The following COL21A1 variants were observed in gnomAD, a reference collection of about 807,000 sequenced individuals.
COL21A1 encodes the protein collagen alpha-1(XXI) chain.
COL21A1 carries 149 observed loss-of-function variants against 137.9 expected under a neutral mutation model. The ratio of observed to expected loss-of-function variants is 1.08; its 90% confidence interval spans 0.95 to 1.24. The LOEUF is 1.24. COL21A1 is among the 50% of genes most tolerant of loss of function. The pLI is 0.00. For missense variants in COL21A1, 1,167 were observed against 1,158.4 expected (o/e 1.01, Z -0.11); for synonymous variants, 456 against 391.5 (o/e 1.16, Z -1.95).
chr6:56,284,806 C>T (rs1005811602), intron 1 of COL21A1, among the ~76,000 whole-genome samples: 3 of 152,190 alleles, frequency 2.0e-5, no homozygotes, highest in African/African-American at 7.2e-5. Context: ...CCCTACACTT[C>T]ACCCACTCCA....
intron 1 of COL21A1, among the ~76,000 whole-genome samples, chr6:56,299,601 C>T (rs1459404187): frequency 6.6e-6 from 1 of 152,014 alleles, no homozygotes; most frequent in Non-Finnish European, 1.5e-5. Context: ...GAAAAAAAGA[C>T]ATTTTCATTC....
intron 1 of COL21A1, among the ~76,000 whole-genome samples, chr6:56,310,637 T>G (rs1206318309): frequency 6.6e-6 from 1 of 152,192 alleles, no homozygotes; most frequent in Non-Finnish European, 1.5e-5. Context: ...CTTTTTATTT[T>G]TATAAAAATT....
At chr6:56,266,230 G>C (rs1392954291) in intron 1 of COL21A1, among the ~76,000 whole-genome samples, 1 of 152,090 alleles carries the variant, frequency 6.6e-6, no homozygotes, top group Non-Finnish European at 1.5e-5. Context: ...AGATAAATCA[G>C]CTTCATGAAT....
intron 16 of COL21A1, among the ~76,000 whole-genome samples, chr6:56,120,183 AT>A (rs1772341993): frequency 6.6e-6 from 1 of 152,204 alleles, no homozygotes; most frequent in Non-Finnish European, 1.5e-5. Context: ...AAATACAAAA[AT>A]TTCAAAGGAC....
chr6:56,373,169 G>A (rs1471897674), intron 1 of COL21A1, among the ~76,000 whole-genome samples: 1 of 152,188 alleles, frequency 6.6e-6, no homozygotes. Flanking sequence ...GATGGCAATG[G>A]TGTCCTCACC....
intron 25 of COL21A1, 126 bp downstream of exon 25, chr6:56,061,523 T>G (rs1275850141): frequency 1.1e-5 from 6 of 523,786 alleles, no homozygotes; most frequent in Non-Finnish European, 2.0e-5. Flanking sequence ...GAACTTCTAC[T>G]GAAGAAGATG....
intron 16 of COL21A1, among the ~76,000 whole-genome samples, chr6:56,101,990 T>C (rs1314107452): frequency 6.6e-6 from 1 of 152,154 alleles, no homozygotes; most frequent in Non-Finnish European, 1.5e-5. Flanking sequence ...TAGTTGAAAT[T>C]ATCTGGCACT....
rs1374163799 is a variant in COL21A1, at chr6:56,097,990, T to TATAA, written c.1812+3481_1812+3482insTTAT. On this transcript the variant is annotated intron_variant, in intron 17 of 29. Coordinates refer to ENST00000244728, the MANE Select transcript of COL21A1 (RefSeq NM_030820.4). ...AAATATATAAATATATATAAATATA[T>TATAA]ATGTAAATATATAAATATATAAATA... 3.8e-3 allele frequency among the ~76,000 whole-genome samples: 107 copies of TATAA among 28,460 alleles called. 8 individuals are homozygous for TATAA. The highest frequency in any genetic ancestry group is 0.024 in the Middle Eastern group (1 of 42). 18.7% of individuals were successfully genotyped at this position (28,460 alleles called of 152,430 possible). A position where few individuals can be genotyped will look rare whatever the true frequency, so the allele number is the denominator to read the frequency against.
chr6:56,234,882 A>T (rs1378499706), intron 1 of COL21A1, among the ~76,000 whole-genome samples: 4 of 148,986 alleles, frequency 2.7e-5, no homozygotes, highest in African/African-American at 5.0e-5. Flanking sequence ...ATGTATTCTT[A>T]GCCAACTGAT....
intron 9 of COL21A1, among the ~76,000 whole-genome samples, chr6:56,161,517 C>T (rs981176177): frequency 6.6e-6 from 1 of 152,056 alleles, no homozygotes; most frequent in African/African-American, 2.4e-5. Context: ...TTTCACAATT[C>T]CTTTAACAAA....
chr6:56,335,605 C>A (rs1426149686), intron 1 of COL21A1, among the ~76,000 whole-genome samples: 7 of 152,206 alleles, frequency 4.6e-5, no homozygotes, highest in Non-Finnish European at 7.3e-5. Context: ...TGTGAACAGT[C>A]TCTAACTGGG....
chr6:56,300,506 T>C (rs1413925129), intron 1 of COL21A1, among the ~76,000 whole-genome samples: 1 of 152,188 alleles, frequency 6.6e-6, no homozygotes, highest in Non-Finnish European at 1.5e-5. Flanking sequence ...ATTCATTGGA[T>C]ATAAATGTTT....
At chr6:56,307,872 T>C (rs970045037) in intron 1 of COL21A1, among the ~76,000 whole-genome samples, 1 of 152,164 alleles carries the variant, frequency 6.6e-6, no homozygotes, top group Admixed American at 6.5e-5. Flanking sequence ...CTCCACCCCC[T>C]CTTTAATTTT....
At chr6:56,214,974 C>T (rs1780392112) in intron 1 of COL21A1, among the ~76,000 whole-genome samples, 9 of 152,036 alleles carry the variant, frequency 5.9e-5, no homozygotes, top group Admixed American at 5.3e-4. Context: ...ATTAAAACGT[C>T]CAGTCACATA....
chr6:56,244,076 T>C (rs1782505710), intron 1 of COL21A1, among the ~76,000 whole-genome samples: 1 of 152,142 alleles, frequency 6.6e-6, no homozygotes, highest in Non-Finnish European at 1.5e-5. Context: ...AGTAAAACCA[T>C]CCACTATGGA....
At chr6:56,190,419 T>C (rs927398627) in intron 1 of COL21A1, among the ~76,000 whole-genome samples, 7 of 152,086 alleles carry the variant, frequency 4.6e-5, no homozygotes, top group Non-Finnish European at 1.0e-4. Flanking sequence ...AATAGAGCAA[T>C]AACAAGTTCT....
At position 56,162,440 on chromosome 6, in the gene COL21A1, G is replaced by C. The variant is rs77100026; in HGVS notation, c.1371+1983C>G. ...GAAACTTGGAAATATTAAAAAATTA[G>C]AGGCTTCATCAGATAAGACAATGGG... On this transcript the variant is annotated intron_variant, in intron 9 of 29. Coordinates refer to ENST00000244728, the MANE Select transcript of COL21A1 (RefSeq NM_030820.4). Among the ~76,000 whole-genome samples, 1,310 of 152,300 alleles carry C rather than the reference G, an allele frequency of 8.6e-3. 24 individuals carry two copies. The highest frequency in any genetic ancestry group is 0.03 in the African/African-American group (1,263 of 41,554).
chr6:56,096,847 T>G (rs1386725422), intron 17 of COL21A1, among the ~76,000 whole-genome samples: 2 of 152,164 alleles, frequency 1.3e-5, no homozygotes, highest in Non-Finnish European at 2.9e-5. Context: ...CCAAGTCATT[T>G]ATTACAACTA....
At chr6:56,184,063 T>C (rs921190338) in intron 1 of COL21A1, among the ~76,000 whole-genome samples, 1 of 152,146 alleles carries the variant, frequency 6.6e-6, no homozygotes, top group Non-Finnish European at 1.5e-5. Flanking sequence ...TATCAAGTGA[T>C]CTTGATTTAG....
Sources: allele counts gnomAD v4.1 joint callset (sites outside exome capture counted in the v4.1 genomes callset), GRCh38; gene constraint gnomAD v4.1.1; transcripts MANE v1.5; gene names NCBI Gene and HGNC (gene_info 2026-07-23, HGNC 2026-07-21).